Variants in ASAP1 observed in about 807,000 individuals in gnomAD.
ASAP1 encodes the protein arf-GAP with SH3 domain, ANK repeat and PH domain-containing protein 1.
A neutral mutation model predicts 145.2 loss-of-function variants in ASAP1; 43 were observed. The observed-to-expected ratio is 0.30, with a 90% CI of 0.23 to 0.38. The LOEUF (loss-of-function observed/expected upper bound fraction) is 0.38, where lower values mean the gene tolerates loss of function less well. Among genes scored for constraint, ASAP1 ranks in the 10% least tolerant of loss-of-function variants. The pLI is 1.00. For synonymous variants in ASAP1, 546 were observed against 515.5 expected (o/e 1.06, Z -0.80); for missense variants, 1,018 against 1,355.3 (o/e 0.75, Z 3.91).
intron 1 of ASAP1, among the ~76,000 whole-genome samples, chr8:130,414,658 T>G (rs897369549): frequency 2.6e-5 from 4 of 152,228 alleles, no homozygotes; most frequent in Non-Finnish European, 5.9e-5. Context: ...TGCAAATGTA[T>G]CAGCCAAAGT....
chr8:130,277,453 T>C (rs1289815946), intron 3 of ASAP1, among the ~76,000 whole-genome samples: 1 of 152,148 alleles, frequency 6.6e-6, no homozygotes, highest in Non-Finnish European at 1.5e-5. Context: ...AAAATACAAA[T>C]TCAAAATATG....
At chr8:130,433,140 G>T (rs1830195400) in intron 1 of ASAP1, among the ~76,000 whole-genome samples, 1 of 152,230 alleles carries the variant, frequency 6.6e-6, no homozygotes, top group Non-Finnish European at 1.5e-5. Flanking sequence ...CGACACCATA[G>T]TTTGCTTTTC....
chr8:130,309,627 C>T (rs906076886), intron 3 of ASAP1, among the ~76,000 whole-genome samples: 3 of 152,216 alleles, frequency 2.0e-5, no homozygotes, highest in East Asian at 1.9e-4. Context: ...GGGCAGCCAC[C>T]GAGGAGTGCT....
chr8:130,350,444 A>T (rs1219406023), intron 3 of ASAP1, among the ~76,000 whole-genome samples: 2 of 152,196 alleles, frequency 1.3e-5, no homozygotes, highest in Non-Finnish European at 2.9e-5. Context: ...CCTCCCGTGG[A>T]GATACAAAGC....
At chr8:130,281,613 A>T (rs958932653) in intron 3 of ASAP1, among the ~76,000 whole-genome samples, 3 of 152,250 alleles carry the variant, frequency 2.0e-5, no homozygotes, top group Non-Finnish European at 4.4e-5. Context: ...TAAAAAAACA[A>T]ACAACTTAAT....
At chr8:130,245,883 G>C (rs2136780513) in intron 3 of ASAP1, among the ~76,000 whole-genome samples, 1 of 152,212 alleles carries the variant, frequency 6.6e-6, no homozygotes, top group Non-Finnish European at 1.5e-5. Context: ...GGTAAATATT[G>C]CAACACATAT....
At chr8:130,065,618 A>G (rs2097429113) in intron 27 of ASAP1, among the ~76,000 whole-genome samples, 1 of 152,170 alleles carries the variant, frequency 6.6e-6, no homozygotes, top group African/African-American at 2.4e-5. Context: ...ACCAATACAT[A>G]TATATCTACA....
intron 16 of ASAP1, among the ~76,000 whole-genome samples, chr8:130,126,437 G>A (rs75057693): frequency 0.023 from 3,466 of 152,192 alleles, 137 homozygotes; most frequent in African/African-American, 0.078. Context: ...TCACAGGGGA[G>A]TGGATTCTAT....
At chr8:130,194,042 A>G (rs1035861704) in intron 5 of ASAP1, among the ~76,000 whole-genome samples, 6 of 152,230 alleles carry the variant, frequency 3.9e-5, no homozygotes, top group African/African-American at 7.2e-5. Context: ...AGGGGAAGAT[A>G]GAAAACCCCA....
At chr8:130,094,890 T>C (rs1371488185) in intron 24 of ASAP1, among the ~76,000 whole-genome samples, 1 of 152,218 alleles carries the variant, frequency 6.6e-6, no homozygotes, top group Non-Finnish European at 1.5e-5. Context: ...ATCTAGGGAC[T>C]TTCTGATGCA....
chr8:130,068,808 T>G (rs921159539), intron 27 of ASAP1, among the ~76,000 whole-genome samples: 2 of 152,190 alleles, frequency 1.3e-5, no homozygotes, highest in African/African-American at 2.4e-5. Context: ...GGGACTGGCT[T>G]TATGATGACA....
At chr8:130,309,033 A>T (rs375001637) in intron 3 of ASAP1, among the ~76,000 whole-genome samples, 1 of 152,230 alleles carries the variant, frequency 6.6e-6, no homozygotes, top group Non-Finnish European at 1.5e-5. Context: ...ACTTACACGC[A>T]TAATAAAAGA....
At chr8:130,087,017 T>A (rs1381237267) in intron 25 of ASAP1, among the ~76,000 whole-genome samples, 1 of 152,126 alleles carries the variant, frequency 6.6e-6, no homozygotes, top group Non-Finnish European at 1.5e-5. Context: ...AAATGCAACA[T>A]CTACTTCCTT....
At chr8:130,303,548 C>T (rs1360377882) in intron 3 of ASAP1, among the ~76,000 whole-genome samples, 1 of 151,944 alleles carries the variant, frequency 6.6e-6, no homozygotes, top group Non-Finnish European at 1.5e-5. Context: ...AACTGTAGTG[C>T]TTCTGGACAA....
rs138212009 is a variant in ASAP1, at chr8:130,364,796, G to A, written c.60-6653C>T. On this transcript the variant is annotated intron_variant, in intron 2 of 29. Coordinates refer to ENST00000518721, the MANE Select transcript of ASAP1 (RefSeq NM_018482.4). ...AGAGGAGAAACTGAGAACTTCCTCA[G>A]CAACAAATAGCTCTGTTAGCAGAAG... Among the ~76,000 whole-genome samples, 13 of 152,282 alleles carry A rather than the reference G, an allele frequency of 8.5e-5. No homozygotes were observed. The East Asian group carries it at 2.5e-3, about 29-fold the overall frequency.
intron 11 of ASAP1, among the ~76,000 whole-genome samples, chr8:130,164,744 G>C (rs1245764347): frequency 6.6e-6 from 1 of 152,140 alleles, no homozygotes; most frequent in Non-Finnish European, 1.5e-5. Context: ...TGAGTTTACT[G>C]AAATTCCAGG....
intron 4 of ASAP1, among the ~76,000 whole-genome samples, chr8:130,225,203 A>C (rs1367842712): frequency 1.3e-5 from 2 of 152,192 alleles, no homozygotes. Context: ...ATGTGTTGCA[A>C]ATATTTCTTC....
intron 4 of ASAP1, among the ~76,000 whole-genome samples, chr8:130,220,616 G>A (rs763950555): frequency 2.6e-5 from 4 of 152,104 alleles, no homozygotes; most frequent in African/African-American, 9.7e-5. Context: ...GTGGGCAGAT[G>A]GCTTGAGCCT....
chr8:130,194,165 G>A (rs1253758019), intron 5 of ASAP1, among the ~76,000 whole-genome samples: 1 of 152,116 alleles, frequency 6.6e-6, no homozygotes, highest in Non-Finnish European at 1.5e-5. Context: ...ACTAGTCAAT[G>A]AAAAGGCTAC....
Sources: allele counts gnomAD v4.1 joint callset (sites outside exome capture counted in the v4.1 genomes callset), GRCh38; gene constraint gnomAD v4.1.1; transcripts MANE v1.5; gene names NCBI Gene and HGNC (gene_info 2026-07-23, HGNC 2026-07-21).